Variants in TAAR5 observed in about 807,000 individuals in gnomAD.
TAAR5 encodes trace amine associated receptor 5, also known as trace amine-associated receptor 5.
A neutral mutation model predicts 21.1 loss-of-function variants in TAAR5; 27 were observed. That is an observed-to-expected ratio of 1.28 (90% CI 0.94 to 1.76). The LOEUF is 1.76. Ranked by LOEUF, TAAR5 falls within the 40% of genes most tolerant of loss-of-function variation. The pLI is 0.00. For synonymous variants in TAAR5, 203 were observed against 167.5 expected, an observed-to-expected ratio of 1.21 and a Z score of -1.64; for missense variants, 495 against 405.6, an observed-to-expected ratio of 1.22 and a Z score of -1.89.
the TAAR5 span, among the ~76,000 whole-genome samples, chr6:132,601,111 G>GGAGGGAAGGAGGGAAGGAGGGAAAGAA: frequency 3.3e-5 from 1 of 29,940 alleles, no homozygotes; most frequent in African/African-American, 2.8e-4. Flanking sequence ...GAGGGAAGAA[G>GGAGGGAAGGAGGGAAGGAGGGAAAGAA]GGAAGGAGGG....
At chr6:132,594,118 C>T (rs1452850024), upstream of TAAR5, among the ~76,000 whole-genome samples, 1 of 152,156 alleles carries the variant, frequency 6.6e-6, no homozygotes, top group African/African-American at 2.4e-5. Context: ...AGCCAAAAGA[C>T]TAAAATTCTA....
the TAAR5 span, chr6:132,608,611 A>G: frequency 3.9e-4 from 178 of 455,988 alleles, no homozygotes; most frequent in East Asian, 0.011. Context: ...CTGTTTGGAA[A>G]CGATAAAGAT....
the TAAR5 span, among the ~76,000 whole-genome samples, chr6:132,613,981 T>G: frequency 6.6e-6 from 1 of 152,246 alleles, no homozygotes; most frequent in Admixed American, 6.5e-5. Context: ...TAAATGTAAA[T>G]TATAATTTCC....
the TAAR5 span, among the ~76,000 whole-genome samples, chr6:132,604,071 C>T: frequency 0.37 from 55,528 of 150,686 alleles, 10,546 homozygotes; most frequent in African/African-American, 0.42. Context: ...ATTTTATAAA[C>T]GAAATATTGG....
rs201248908 is a variant in TAAR5, at chr6:132,589,406, C to T, written c.281G>A (p.Arg94His). The change falls in exon 1 of 1, where the codon CGC becomes CAC. Residue 94 changes from arginine (R) to histidine (H), a missense_variant. Physicochemically the swap from Arg to His is conservative, Grantham distance 29. Coordinates refer to ENST00000258034, the MANE Select transcript of TAAR5 (RefSeq NM_003967.3). ...GLLVLPLSTI[R>H]SVESCWFFGD... ...GAAGAACCAGCAGCTCTCCACTGAG[C>T]GAATGGTGCTGAGGGGCAGCACCAG... is the stretch of plus-strand genomic sequence containing the variant. 347 of 1,614,046 alleles carry T rather than the reference C, an allele frequency of 2.1e-4. No individual in the cohort carries two copies. The highest frequency in any genetic ancestry group is 2.7e-4 in the Non-Finnish European group (321 of 1,179,972).
chr6:132,595,624 C>T, the TAAR5 span, among the ~76,000 whole-genome samples: 774 of 152,252 alleles, frequency 5.1e-3, 7 homozygotes, highest in African/African-American at 0.018. Flanking sequence ...CTTCCTAAAG[C>T]TTTGCATGCA....
chr6:132,597,287 TAGAG>T, the TAAR5 span, among the ~76,000 whole-genome samples: 1 of 151,852 alleles, frequency 6.6e-6, no homozygotes, highest in Non-Finnish European at 1.5e-5. Context: ...GACAAGAAGA[TAGAG>T]TAAGACACCC....
chr6:132,594,047 C>T (rs1776942525), upstream of TAAR5, among the ~76,000 whole-genome samples: 1 of 152,170 alleles, frequency 6.6e-6, no homozygotes, highest in East Asian at 1.9e-4. Flanking sequence ...ATTGTGGAAA[C>T]CAACTTTGCT....
the TAAR5 span, among the ~76,000 whole-genome samples, chr6:132,602,525 G>A: frequency 2.0e-5 from 3 of 152,214 alleles, no homozygotes; most frequent in Admixed American, 6.5e-5. Context: ...GCCGTAATGC[G>A]AGCAATGGGG....
chr6:132,596,913 C>G, the TAAR5 span, among the ~76,000 whole-genome samples: 1 of 152,184 alleles, frequency 6.6e-6, no homozygotes, highest in South Asian at 2.1e-4. Context: ...TTTATCTCCC[C>G]TGCATTTGTA....
upstream of TAAR5, among the ~76,000 whole-genome samples, chr6:132,591,422 T>C (rs1007201423): frequency 2.0e-5 from 3 of 151,926 alleles, no homozygotes; most frequent in African/African-American, 7.3e-5. Flanking sequence ...AGGAAGGAGG[T>C]TGGTATGCAC....
chr6:132,596,230 G>A, the TAAR5 span, among the ~76,000 whole-genome samples: 2 of 152,168 alleles, frequency 1.3e-5, no homozygotes, highest in African/African-American at 4.8e-5. Flanking sequence ...TAACAAATGT[G>A]ATACGTGTGA....
the TAAR5 span, among the ~76,000 whole-genome samples, chr6:132,597,755 G>A: frequency 1.3e-5 from 2 of 152,112 alleles, no homozygotes; most frequent in African/African-American, 4.8e-5. Context: ...TCTTCTAGGA[G>A]GCAGAAAGAA....
At chr6:132,597,141 G>T in the TAAR5 span, among the ~76,000 whole-genome samples, 1 of 152,008 alleles carries the variant, frequency 6.6e-6, no homozygotes, top group Non-Finnish European at 1.5e-5. Context: ...TCCTCAGTTT[G>T]TAAAGTGAAT....
At chr6:132,603,233 G>A in the TAAR5 span, among the ~76,000 whole-genome samples, 2 of 149,432 alleles carry the variant, frequency 1.3e-5, no homozygotes, top group African/African-American at 4.9e-5. Flanking sequence ...ACCCAGGGAG[G>A]TCAAGGCTGT....
At chr6:132,613,486 C>A in the TAAR5 span, among the ~76,000 whole-genome samples, 1 of 152,128 alleles carries the variant, frequency 6.6e-6, no homozygotes, top group Non-Finnish European at 1.5e-5. Context: ...ATGGAATTCT[C>A]ATTTTTTAAA....
chr6:132,607,352 C>A, the TAAR5 span, among the ~76,000 whole-genome samples: 1 of 152,226 alleles, frequency 6.6e-6, no homozygotes, highest in East Asian at 1.9e-4. Flanking sequence ...TCATGTATTT[C>A]CCAATTCATG....
upstream of TAAR5, among the ~76,000 whole-genome samples, chr6:132,593,230 A>G (rs1236386968): frequency 6.6e-6 from 1 of 152,154 alleles, no homozygotes; most frequent in East Asian, 1.9e-4. Context: ...TTCCTCTGCC[A>G]TGCTCTCATG....
chr6:132,610,424 C>T, the TAAR5 span, among the ~76,000 whole-genome samples: 1 of 152,236 alleles, frequency 6.6e-6, no homozygotes, highest in South Asian at 2.1e-4. Flanking sequence ...ACAAGTTCAT[C>T]TATTTAGGCA....
Sources: gnomAD v4.1 joint callset for allele counts (sites outside exome capture counted in the v4.1 genomes callset) on GRCh38, gnomAD v4.1.1 for gene constraint, MANE v1.5 for transcripts, NCBI Gene and HGNC (gene_info 2026-07-23, HGNC 2026-07-21) for gene names.